The following EPB41L4A variants were observed in gnomAD, a reference collection of about 807,000 sequenced individuals.
EPB41L4A encodes the protein erythrocyte membrane protein band 4.1 like 4A.
Under a neutral mutation model 108.6 loss-of-function variants are expected in EPB41L4A, and 100 were observed. The ratio of observed to expected loss-of-function variants is 0.92; its 90% CI spans 0.78 to 1.09. The LOEUF is 1.09. EPB41L4A is among the 50% of genes least tolerant of loss of function. The probability of loss-of-function intolerance (pLI) is 0.00; values close to 1 mark genes in which losing one functional copy is unlikely to be tolerated. For missense variants in EPB41L4A, 1,030 were observed against 842.7 expected, an observed-to-expected ratio of 1.22 and a Z score of -2.75; for synonymous variants, 319 against 289.0, an observed-to-expected ratio of 1.10 and a Z score of -1.05.
chr5:112,293,242 G>A (rs971064427), intron 2 of EPB41L4A, among the ~76,000 whole-genome samples: 1 of 151,690 alleles, frequency 6.6e-6, no homozygotes, highest in Admixed American at 6.6e-5. Context: ...TAAATTCAGG[G>A]ATACAGGTAC....
chr5:112,387,373 T>C (rs113417893), intron 1 of EPB41L4A, among the ~76,000 whole-genome samples: 5,062 of 152,164 alleles, frequency 0.033, 295 homozygotes, highest in African/African-American at 0.12. Flanking sequence ...ACGCCTGAAA[T>C]CCCAGCACTT....
chr5:112,276,629 C>T (rs1752645094), intron 3 of EPB41L4A, among the ~76,000 whole-genome samples: 1 of 152,102 alleles, frequency 6.6e-6, no homozygotes, highest in African/African-American at 2.4e-5. Context: ...TAAAAGTCTT[C>T]GATACTATCT....
intron 1 of EPB41L4A, among the ~76,000 whole-genome samples, chr5:112,411,251 G>A (rs1762394212): frequency 1.3e-5 from 2 of 152,138 alleles, no homozygotes; most frequent in South Asian, 4.1e-4. Context: ...TACAGATGTG[G>A]AGTTTCAGCA....
intron 1 of EPB41L4A, among the ~76,000 whole-genome samples, chr5:112,311,445 G>A (rs1348576186): frequency 6.6e-6 from 1 of 152,186 alleles, no homozygotes; most frequent in Admixed American, 6.5e-5. Context: ...AAGATACTGA[G>A]TATCTCACAG....
chr5:112,325,993 T>C (rs1041113906), intron 1 of EPB41L4A, among the ~76,000 whole-genome samples: 3 of 151,880 alleles, frequency 2.0e-5, no homozygotes, highest in African/African-American at 7.3e-5. Context: ...TCTAAATAAA[T>C]TTTTAAAATT....
At chr5:112,227,169 C>T (rs1173947390) in intron 12 of EPB41L4A, among the ~76,000 whole-genome samples, 1 of 152,082 alleles carries the variant, frequency 6.6e-6, no homozygotes, top group African/African-American at 2.4e-5. Context: ...TCTTCACACT[C>T]GATTTATACT....
chr5:112,170,422 G>C, intron 19 of EPB41L4A, 53 bp from the exon 20 acceptor site: 1 of 1,177,650 alleles, frequency 8.5e-7, no homozygotes, highest in African/African-American at 1.5e-5. Context: ...ATAAATGCTA[G>C]TATCTTTCAC....
At chr5:112,308,804 C>T (rs969904431) in intron 1 of EPB41L4A, among the ~76,000 whole-genome samples, 2 of 151,998 alleles carry the variant, frequency 1.3e-5, no homozygotes, top group Admixed American at 6.5e-5. Flanking sequence ...CCAAAAAGAC[C>T]ATTACAATTC....
chr5:112,145,946 A>T lies in EPB41L4A; in HGVS notation n.1047T>A, dbSNP rs925040831. 5.7e-5 allele frequency: 26 copies of T among 456,780 alleles called. No homozygotes were observed. The Middle Eastern group carries it at 5.5e-3, about 97-fold the overall frequency. The allele number at this position is 456,780 out of a possible 1,614,324, so 28.3% of individuals were successfully genotyped here. A position where few individuals can be genotyped will look rare whatever the true frequency, so the allele number is the denominator to read the frequency against. On this transcript the variant is annotated non_coding_transcript_exon_variant, in exon 13 of 14. Transcript: ENST00000507810. ...AGAGACCTTCTGAAGTGCCTTGTTC[A>T]AACTCAGATTTCCAAGTTCTCTGCC...
chr5:112,157,708 C>T (rs111246536), downstream of EPB41L4A, among the ~76,000 whole-genome samples: 5 of 152,342 alleles, frequency 3.3e-5, no homozygotes, highest in African/African-American at 1.2e-4. Context: ...TTTTATCCCC[C>T]TATCTCAAGG....
intron 1 of EPB41L4A, among the ~76,000 whole-genome samples, chr5:112,317,157 C>T (rs1188744791): frequency 3.3e-5 from 5 of 152,196 alleles, no homozygotes; most frequent in African/African-American, 4.8e-5. Flanking sequence ...TCTTTGTTGA[C>T]AACCTACCAC....
At chr5:112,171,358 T>A (rs1405306592) in intron 18 of EPB41L4A, among the ~76,000 whole-genome samples, 1 of 152,196 alleles carries the variant, frequency 6.6e-6, no homozygotes, top group Non-Finnish European at 1.5e-5. Context: ...GAAGAACTCA[T>A]CCTGATTCTA....
intron 2 of EPB41L4A, among the ~76,000 whole-genome samples, chr5:112,295,468 C>G (rs1209244388): frequency 2.0e-5 from 3 of 152,106 alleles, no homozygotes; most frequent in African/African-American, 7.2e-5. Flanking sequence ...AAGAATAAGC[C>G]CAAGATTAGG....
chr5:112,231,447 A>G (rs1748915665), intron 12 of EPB41L4A, among the ~76,000 whole-genome samples: 1 of 152,236 alleles, frequency 6.6e-6, no homozygotes. Context: ...TAAAATAAGC[A>G]TGTGTTTTTG....
At chr5:112,328,086 G>T (rs1344032564) in intron 1 of EPB41L4A, among the ~76,000 whole-genome samples, 2 of 152,138 alleles carry the variant, frequency 1.3e-5, no homozygotes, top group East Asian at 1.9e-4. Flanking sequence ...AAGGCAGGCA[G>T]ATCACAAAGT....
chr5:112,360,962 C>T (rs1338191040), intron 1 of EPB41L4A, among the ~76,000 whole-genome samples: 8 of 152,176 alleles, frequency 5.3e-5, no homozygotes, highest in South Asian at 4.2e-4. Context: ...TCTGACCGGC[C>T]GCCCCGTCTG....
At chr5:112,303,143 T>TAA in intron 2 of EPB41L4A, among the ~76,000 whole-genome samples, 1 of 152,174 alleles carries the variant, frequency 6.6e-6, no homozygotes, top group Non-Finnish European at 1.5e-5. Flanking sequence ...CATTATCACT[T>TAA]ATACATATTT....
At chr5:112,341,753 AACAC>A (rs5870494) in intron 1 of EPB41L4A, among the ~76,000 whole-genome samples, 8,028 of 149,436 alleles carry the variant, frequency 0.054, 712 homozygotes, top group African/African-American at 0.18. Flanking sequence ...CACTATTTAA[AACAC>A]ACACACACAC....
intron 12 of EPB41L4A, among the ~76,000 whole-genome samples, chr5:112,152,470 T>C (rs1476996907): frequency 6.6e-6 from 1 of 152,146 alleles, no homozygotes; most frequent in African/African-American, 2.4e-5. Flanking sequence ...GATTATGTCA[T>C]GAATGGGATT....
Sources: gnomAD v4.1 joint callset for allele counts (sites outside exome capture counted in the v4.1 genomes callset) on GRCh38, gnomAD v4.1.1 for gene constraint, MANE v1.5 for transcripts, NCBI Gene and HGNC (gene_info 2026-07-23, HGNC 2026-07-21) for gene names.